The following CNTN4 variants were observed in gnomAD, a reference collection of about 807,000 sequenced individuals.
The protein encoded by CNTN4 is contactin-4.
Under a neutral mutation model 122.5 loss-of-function variants are expected in CNTN4, and 77 were observed. The observed-to-expected ratio is 0.63, with a 90% confidence interval of 0.52 to 0.76. The LOEUF (loss-of-function observed/expected upper bound fraction) is 0.76, where lower values mean the gene tolerates loss of function less well. CNTN4 is among the 30% of genes least tolerant of loss of function. CNTN4 has a pLI of 0.00. For missense variants in CNTN4, 1,256 were observed against 1,259.1 expected (o/e 1.00, Z 0.04); for synonymous variants, 512 against 447.0 (o/e 1.15, Z -1.83).
intron 7 of CNTN4, among the ~76,000 whole-genome samples, chr3:2,821,319 C>T (rs2092865908): frequency 6.6e-6 from 1 of 152,142 alleles, no homozygotes; most frequent in South Asian, 2.1e-4. Context: ...GGATGTCTTC[C>T]AGGACTCATG....
intron 3 of CNTN4, among the ~76,000 whole-genome samples, chr3:2,417,529 C>T (rs182524819): frequency 2.0e-5 from 3 of 152,254 alleles, no homozygotes; most frequent in South Asian, 2.1e-4. Context: ...TGCCAGGAGA[C>T]CTCTAGGGGA....
At chr3:2,165,077 C>T (rs1480274642) in intron 2 of CNTN4, among the ~76,000 whole-genome samples, 1 of 152,158 alleles carries the variant, frequency 6.6e-6, no homozygotes, top group Non-Finnish European at 1.5e-5. Flanking sequence ...AATCGCAGCA[C>T]TTTGGGAGGC....
intron 3 of CNTN4, among the ~76,000 whole-genome samples, chr3:2,438,485 T>C (rs899756207): frequency 1.3e-5 from 2 of 152,208 alleles, no homozygotes; most frequent in East Asian, 3.9e-4. Context: ...TCAAGCCACT[T>C]TACTCCAGCC....
chr3:2,391,220 C>A (rs1320493115), intron 3 of CNTN4, among the ~76,000 whole-genome samples: 2 of 152,134 alleles, frequency 1.3e-5, no homozygotes, highest in East Asian at 3.9e-4. Context: ...AGCATCCAAT[C>A]AAAAATGACT....
At chr3:2,819,445 C>G in intron 6 of CNTN4, 41 bp from the exon 7 acceptor site, 5 of 1,477,136 alleles carry the variant, frequency 3.4e-6, no homozygotes, top group Non-Finnish European at 4.7e-6. Context: ...TATCTTAGGA[C>G]TTTAAAGTTT....
At chr3:2,760,649 TATG>T (rs2090545544) in intron 6 of CNTN4, among the ~76,000 whole-genome samples, 1 of 152,202 alleles carries the variant, frequency 6.6e-6, no homozygotes, top group African/African-American at 2.4e-5. Flanking sequence ...ATCAAAGAAA[TATG>T]ATGCTCACAT....
intron 3 of CNTN4, among the ~76,000 whole-genome samples, chr3:2,420,475 C>A (rs1380352556): frequency 6.6e-6 from 1 of 151,866 alleles, no homozygotes; most frequent in Non-Finnish European, 1.5e-5. Flanking sequence ...TCACTCTGTC[C>A]CCCAGGCTGG....
At chr3:2,707,074 T>G (rs900793182) in intron 4 of CNTN4, among the ~76,000 whole-genome samples, 1 of 151,812 alleles carries the variant, frequency 6.6e-6, no homozygotes, top group African/African-American at 2.4e-5. Context: ...CCGAGGCAGG[T>G]GGATCGCTTG....
At chr3:2,847,795 T>G (rs536064187) in intron 7 of CNTN4, among the ~76,000 whole-genome samples, 15 of 152,168 alleles carry the variant, frequency 9.9e-5, no homozygotes, top group Non-Finnish European at 2.2e-4. Context: ...TCAGAACAGA[T>G]CATTTATAGA....
chr3:2,318,796 T>G (rs1434204183), intron 2 of CNTN4, among the ~76,000 whole-genome samples: 1 of 152,174 alleles, frequency 6.6e-6, no homozygotes, highest in Non-Finnish European at 1.5e-5. Context: ...CATGCCACTA[T>G]GCCTGGCTAT....
At chr3:2,501,521 A>C (rs2076593723) in intron 3 of CNTN4, among the ~76,000 whole-genome samples, 1 of 152,166 alleles carries the variant, frequency 6.6e-6, no homozygotes, top group African/African-American at 2.4e-5. Context: ...ACCTTTATCA[A>C]CTTCTAGAGG....
intron 4 of CNTN4, among the ~76,000 whole-genome samples, chr3:2,715,419 CA>C (rs1236762338): frequency 6.6e-6 from 1 of 152,148 alleles, no homozygotes; most frequent in Non-Finnish European, 1.5e-5. Context: ...TTTAAATCAG[CA>C]ACCTCTGTTT....
intron 3 of CNTN4, among the ~76,000 whole-genome samples, chr3:2,452,619 G>A (rs1033195085): frequency 6.6e-6 from 1 of 152,178 alleles, no homozygotes; most frequent in African/African-American, 2.4e-5. Context: ...TACTTTTAGT[G>A]CTGTATTTTT....
At chr3:2,750,710 G>C (rs888308242) in intron 6 of CNTN4, among the ~76,000 whole-genome samples, 5 of 152,054 alleles carry the variant, frequency 3.3e-5, no homozygotes, top group Admixed American at 1.3e-4. Flanking sequence ...CTACCTTTTA[G>C]CCCTTCTATT....
intron 15 of CNTN4, 21 bp from the exon 16 acceptor site, chr3:3,030,834 C>A (rs1023103671): frequency 1.2e-6 from 2 of 1,613,592 alleles, no homozygotes; most frequent in African/African-American, 1.3e-5. Context: ...TAATTGCAGC[C>A]ACTTTCCCCT....
Position 2,709,341 on chromosome 3 carries a change from G to T in CNTN4, c.56-26874G>T, listed in dbSNP as rs1481152112. Among the ~76,000 whole-genome samples the T allele has an allele frequency of 4.6e-5, 7 of 152,006 alleles. No homozygotes were observed. The highest frequency in any genetic ancestry group is 8.8e-5 in the Non-Finnish European group (6 of 68,000). On this transcript the variant is annotated intron_variant, in intron 4 of 24. Coordinates refer to ENST00000418658, the MANE Select transcript of CNTN4 (RefSeq NM_175607.3). The surrounding 1 kb of genome is among the most constrained non-coding windows in gnomAD (Gnocchi z 5.0). Reference sequence around the variant, plus strand: ...GGCTGCATATTAGAATCATCTGGGGGTCCTTAAAAAATACTGATGCGTAGG... The same window carrying T: ...GGCTGCATATTAGAATCATCTGGGGTTCCTTAAAAAATACTGATGCGTAGG...
chr3:2,875,549 C>T (rs1404268070), intron 8 of CNTN4, among the ~76,000 whole-genome samples: 2 of 152,136 alleles, frequency 1.3e-5, no homozygotes, highest in African/African-American at 4.8e-5. Flanking sequence ...CATTTGTTTA[C>T]CTTATGGCCA....
intron 14 of CNTN4, among the ~76,000 whole-genome samples, chr3:3,020,119 G>A (rs1294830996): frequency 5.9e-5 from 9 of 152,022 alleles, no homozygotes; most frequent in Admixed American, 5.9e-4. Context: ...TTCGACATAA[G>A]TCTGGATAAA....
intron 3 of CNTN4, among the ~76,000 whole-genome samples, chr3:2,544,200 C>T (rs1051490867): frequency 6.6e-6 from 1 of 152,090 alleles, no homozygotes; most frequent in African/African-American, 2.4e-5. Context: ...CGAGTGGTGC[C>T]TTTATCTTTT....
Sources: allele counts gnomAD v4.1 joint callset (sites outside exome capture counted in the v4.1 genomes callset), GRCh38; gene constraint gnomAD v4.1.1; non-coding constraint Gnocchi (gnomAD v3.1); transcripts MANE v1.5; gene names NCBI Gene and HGNC (gene_info 2026-07-23, HGNC 2026-07-21).